Variants in C3orf20 observed in about 807,000 individuals in gnomAD.
C3orf20 encodes uncharacterized protein C3orf20.
A neutral mutation model predicts 88.3 loss-of-function variants in C3orf20; 76 were observed. The observed-to-expected ratio is 0.86, with a 90% CI of 0.72 to 1.04. The LOEUF (loss-of-function observed/expected upper bound fraction) is 1.04, where lower values mean the gene tolerates loss of function less well. C3orf20 is among the 50% of genes least tolerant of loss of function. C3orf20 has a pLI of 0.00. For synonymous variants in C3orf20, 436 were observed against 437.4 expected (o/e 1.00, Z 0.04); for missense variants, 1,056 against 1,123.3 (o/e 0.94, Z 0.86).
At chr3:14,692,916 A>G (rs2032803068) in intron 5 of C3orf20, among the ~76,000 whole-genome samples, 1 of 152,088 alleles carries the variant, frequency 6.6e-6, no homozygotes, top group Admixed American at 6.5e-5. Flanking sequence ...GTGTATGGTG[A>G]GAGATAGGGG....
At chr3:14,691,702 T>C (rs1358239119) in intron 5 of C3orf20, among the ~76,000 whole-genome samples, 10 of 152,210 alleles carry the variant, frequency 6.6e-5, no homozygotes, top group Non-Finnish European at 1.2e-4. Flanking sequence ...CACACAATAA[T>C]CACATCAAGC....
chr3:14,761,307 G>GA (rs1402016632), intron 14 of C3orf20, among the ~76,000 whole-genome samples, 166 bp from the exon 15 acceptor site: 8 of 151,778 alleles, frequency 5.3e-5, no homozygotes, highest in Non-Finnish European at 5.9e-5. Context: ...GGGCAACTCA[G>GA]GGAGGGCAGC....
At chr3:14,756,322 AG>A (rs1206207602) in intron 12 of C3orf20, among the ~76,000 whole-genome samples, 1 of 151,918 alleles carries the variant, frequency 6.6e-6, no homozygotes, top group Admixed American at 6.5e-5. Flanking sequence ...GGCACATAGT[AG>A]GGGCCCAACA....
intron 12 of C3orf20, among the ~76,000 whole-genome samples, chr3:14,737,629 C>T (rs372360999): frequency 1.3e-5 from 2 of 152,200 alleles, no homozygotes; most frequent in African/African-American, 4.8e-5. Context: ...GCTGACTGAT[C>T]AGGGTGGTGG....
intron 12 of C3orf20, among the ~76,000 whole-genome samples, chr3:14,749,429 C>G (rs1004914739): frequency 1.3e-5 from 2 of 152,200 alleles, no homozygotes; most frequent in African/African-American, 4.8e-5. Context: ...CCCACCTCAG[C>G]CTACCAAGTA....
intron 9 of C3orf20, 33 bp downstream of exon 9, chr3:14,715,442 G>A (rs2033903297): frequency 1.3e-6 from 2 of 1,595,330 alleles, no homozygotes; most frequent in Non-Finnish European, 1.7e-6. Context: ...GGGTGGCAGT[G>A]AGCACCACTG....
intron 7 of C3orf20, among the ~76,000 whole-genome samples, chr3:14,705,854 G>A (rs2033478580): frequency 6.6e-6 from 1 of 152,182 alleles, no homozygotes; most frequent in Non-Finnish European, 1.5e-5. Flanking sequence ...GTGACTGACT[G>A]TATGCCACAA....
intron 10 of C3orf20, chr3:14,722,336 C>T (rs1452765122): frequency 2.6e-5 from 10 of 385,640 alleles, no homozygotes; most frequent in Non-Finnish European, 4.7e-5. Context: ...TGAAACATTC[C>T]CTGTGGCCAG....
At chr3:14,694,850 G>A (rs2032915131) in intron 5 of C3orf20, among the ~76,000 whole-genome samples, 1 of 151,990 alleles carries the variant, frequency 6.6e-6, no homozygotes, top group African/African-American at 2.4e-5. Flanking sequence ...GAGTGCAGTG[G>A]TGTGATCTCA....
chr3:14,762,870 A>C (rs545157011), intron 15 of C3orf20, among the ~76,000 whole-genome samples: 1 of 152,122 alleles, frequency 6.6e-6, no homozygotes, highest in Admixed American at 6.5e-5. Context: ...GAGTGGGGCA[A>C]CCCACTTCTG....
intron 12 of C3orf20, among the ~76,000 whole-genome samples, chr3:14,743,949 G>A (rs2034987874): frequency 6.6e-6 from 1 of 151,988 alleles, no homozygotes; most frequent in Admixed American, 6.5e-5. Flanking sequence ...TGATGGGAGG[G>A]GCTATCAGGA....
At chr3:14,727,128 C>T in intron 11 of C3orf20, 104 bp downstream of exon 11, 1 of 1,297,170 alleles carries the variant, frequency 7.7e-7, no homozygotes, top group Non-Finnish European at 1.1e-6. Context: ...ACCGCCCATT[C>T]CATCTTCAGT....
Position 14,726,999 on chromosome 3 carries a change from C to A in C3orf20, c.1665C>A (p.Phe555Leu). Reference sequence around the variant, plus strand: ...GGTTTCAGAAGACAGTGACTCAGTTCATTAATTCTATCTTGCTGGCCGCAG... The same window carrying A: ...GGTTTCAGAAGACAGTGACTCAGTTAATTAATTCTATCTTGCTGGCCGCAG... ...KKRFQKTVTQ[F>L]INSILLAAGL... Residue 555 changes from phenylalanine (F) to leucine (L), a missense_variant, in exon 11 of 17, where the codon TTC (phenylalanine) becomes TTA (leucine). By Grantham distance (22) the Phe-to-Leu change is conservative. Coordinates refer to ENST00000253697, the MANE Select transcript of C3orf20 (RefSeq NM_032137.5). The A allele has an allele frequency of 6.2e-7, 1 of 1,614,166 alleles. No homozygotes were observed. The highest frequency in any genetic ancestry group is 8.5e-7 in the Non-Finnish European group (1 of 1,180,032).
rs764616912 is a variant in C3orf20, at chr3:14,703,218, C to A, written c.834C>A (p.Pro278=). 6.2e-7 allele frequency: 1 copy of A among 1,614,192 alleles called. No individual in the cohort carries two copies. The highest frequency in any genetic ancestry group is 8.5e-7 in the Non-Finnish European group (1 of 1,180,042). ...TPANSLEFSD[P]CPEAREKLQE... ...CCAACAGCCTGGAGTTCAGCGACCC[C>A]TGCCCTGAGGCCCGGGAGAAGCTGC... The change falls in exon 6 of 17, where the codon CCC becomes CCA. Residue 278 remains proline (P), a synonymous_variant. Transcript: ENST00000253697.
At chr3:14,751,409 G>A (rs1474474150) in intron 12 of C3orf20, among the ~76,000 whole-genome samples, 1 of 152,206 alleles carries the variant, frequency 6.6e-6, no homozygotes, top group East Asian at 1.9e-4. Flanking sequence ...AGCTAAAGCA[G>A]GGCAGGGTGT....
rs193134321 is a variant in C3orf20, at chr3:14,738,221, A to G, written c.1940+9533A>G. On this transcript the variant is annotated intron_variant, in intron 12 of 16. Transcript: ENST00000253697. ...CTCACTCTGTCACCCAGGCTGGAGT[A>G]CAGTGGTGCAATCTTGGCTCACTGC... 2.1e-4 allele frequency among the ~76,000 whole-genome samples: 29 copies of G among 135,506 alleles called. 1 individual carries two copies. The highest frequency in any genetic ancestry group is 8.0e-4 in the African/African-American group (28 of 34,942). The allele number at this position is 135,506 out of a possible 152,430, so 88.9% of individuals were successfully genotyped here.
intron 11 of C3orf20, 45 bp from the exon 12 acceptor site, chr3:14,728,394 T>A (rs1184106666): frequency 6.2e-7 from 1 of 1,607,466 alleles, no homozygotes. Flanking sequence ...GGCAGAGGAG[T>A]CCTGGCCATG....
chr3:14,700,709 T>C (rs2033225032), intron 5 of C3orf20, among the ~76,000 whole-genome samples: 1 of 152,242 alleles, frequency 6.6e-6, no homozygotes, highest in Non-Finnish European at 1.5e-5. Flanking sequence ...CTAGCATGGG[T>C]GATTAGCCTT....
chr3:14,680,066 G>A (rs1188065564), intron 1 of C3orf20, among the ~76,000 whole-genome samples: 2 of 152,184 alleles, frequency 1.3e-5, no homozygotes, highest in African/African-American at 2.4e-5. Flanking sequence ...CCACTGGTGG[G>A]ACTGTGAAAT....
Sources: gnomAD v4.1 joint callset for allele counts (sites outside exome capture counted in the v4.1 genomes callset) on GRCh38, gnomAD v4.1.1 for gene constraint, MANE v1.5 for transcripts, NCBI Gene and HGNC (gene_info 2026-07-23, HGNC 2026-07-21) for gene names.